The following PHKB variants were observed in gnomAD, a reference collection of about 807,000 sequenced individuals.
PHKB encodes the protein phosphorylase b kinase regulatory subunit beta.
In PHKB, 122 loss-of-function variants were observed where a neutral mutation model predicts 152.1. The observed-to-expected ratio is 0.80, with a 90% CI of 0.69 to 0.93. The LOEUF (loss-of-function observed/expected upper bound fraction) is 0.93, where lower values mean the gene tolerates loss of function less well. Among genes scored for constraint, PHKB ranks in the 40% least tolerant of loss-of-function variants. The probability of loss-of-function intolerance (pLI) is 0.00; values close to 1 mark genes in which losing one functional copy is unlikely to be tolerated. For synonymous variants in PHKB, 436 were observed against 464.9 expected (o/e 0.94, Z 0.80); for missense variants, 1,304 against 1,328.4 (o/e 0.98, Z 0.29).
intron 26 of PHKB, among the ~76,000 whole-genome samples, chr16:47,682,170 C>A (rs919349858): frequency 6.6e-6 from 1 of 152,196 alleles, no homozygotes; most frequent in Non-Finnish European, 1.5e-5. Flanking sequence ...GTTACCCGAC[C>A]TTTCTCTCTG....
chr16:47,566,421 T>A (rs1971568059), intron 7 of PHKB: 2 of 1,608,808 alleles, frequency 1.2e-6, no homozygotes, highest in African/African-American at 2.7e-5. Flanking sequence ...ACCTAGAGAC[T>A]CTTCATTGAG....
In PHKB at chr16:47,492,741, G is replaced by A. The variant is rs115526227; in HGVS notation, c.77-4658G>A. 6.9e-3 allele frequency among the ~76,000 whole-genome samples: 1,056 copies of A among 152,292 alleles called. 15 individuals are homozygous for A. The highest frequency in any genetic ancestry group is 0.024 in the African/African-American group (1,012 of 41,570). ...TCAACACCTGGGAGTGACAGGGGTTGGGGCATGGTTTCCCCTGCCCTCAGA... is the reference window on the plus strand; with the variant it reads ...TCAACACCTGGGAGTGACAGGGGTTAGGGCATGGTTTCCCCTGCCCTCAGA... On this transcript the variant is annotated intron_variant, in intron 1 of 30. Transcript: ENST00000323584.
chr16:47,665,920 C>G, intron 25 of PHKB: 1 of 1,568,200 alleles, frequency 6.4e-7, no homozygotes, highest in Non-Finnish European at 8.8e-7. Context: ...AACATCTGGC[C>G]TGCTCTCTTC....
At chr16:47,649,662 T>C (rs997193280) in intron 18 of PHKB, among the ~76,000 whole-genome samples, 7 of 152,182 alleles carry the variant, frequency 4.6e-5, no homozygotes, top group Non-Finnish European at 1.0e-4. Context: ...GAGCATGAAA[T>C]CTGGAGCCAG....
At chr16:47,588,218 T>C (rs1007424653) in intron 9 of PHKB, among the ~76,000 whole-genome samples, 3 of 151,948 alleles carry the variant, frequency 2.0e-5, no homozygotes, top group East Asian at 1.9e-4. Flanking sequence ...GGACTATTTG[T>C]GGTTCTGTTA....
chr16:47,494,682 A>G (rs1970203361), intron 1 of PHKB, among the ~76,000 whole-genome samples: 1 of 152,242 alleles, frequency 6.6e-6, no homozygotes, highest in Non-Finnish European at 1.5e-5. Flanking sequence ...AAAGCATGGA[A>G]AAGAAAAATT....
rs556650110 is a variant in PHKB at position 47,555,090 on chromosome 16, C to G, written c.710+7542C>G. Among the ~76,000 whole-genome samples the G allele has an allele frequency of 7.2e-5, 11 of 152,340 alleles. No homozygotes were observed. The East Asian group carries it at 1.9e-3, about 27-fold the overall frequency. On this transcript the variant is annotated intron_variant, in intron 7 of 30. Transcript: ENST00000323584. ...ATAACAATCATAGCACCACTTTACTCAGTTTAAGAGGCTTTCAGTGACCCT... is the reference window on the plus strand; with the variant it reads ...ATAACAATCATAGCACCACTTTACTGAGTTTAAGAGGCTTTCAGTGACCCT...
At chr16:47,502,578 T>A (rs1970341022) in intron 3 of PHKB, among the ~76,000 whole-genome samples, 1 of 152,358 alleles carries the variant, frequency 6.6e-6, no homozygotes, top group African/African-American at 2.4e-5. Context: ...CCTTAACTTG[T>A]GGCTGCTACT....
chr16:47,518,969 A>T (rs1970642404), intron 6 of PHKB, among the ~76,000 whole-genome samples: 2 of 152,178 alleles, frequency 1.3e-5, no homozygotes, highest in South Asian at 4.1e-4. Context: ...GTCCAGAGAA[A>T]CTTACTTCAT....
chr16:47,513,215 A>T (rs1211440826), intron 5 of PHKB, among the ~76,000 whole-genome samples: 1 of 152,156 alleles, frequency 6.6e-6, no homozygotes, highest in Non-Finnish European at 1.5e-5. Flanking sequence ...CCATGTACTG[A>T]CATTTTCTTA....
chr16:47,679,579 A>G (rs1597173994), intron 26 of PHKB, among the ~76,000 whole-genome samples: 2 of 152,206 alleles, frequency 1.3e-5, no homozygotes, highest in African/African-American at 4.8e-5. Flanking sequence ...TTTGTCTGTT[A>G]TTGGTGTCTA....
intron 14 of PHKB, among the ~76,000 whole-genome samples, chr16:47,612,689 A>G (rs919125332): frequency 1.3e-5 from 2 of 152,186 alleles, no homozygotes; most frequent in Non-Finnish European, 2.9e-5. Flanking sequence ...GCAGTGTTGT[A>G]TACAGTTTCC....
intron 1 of PHKB, among the ~76,000 whole-genome samples, chr16:47,487,099 T>G (rs1044426461): frequency 2.6e-5 from 4 of 152,200 alleles, no homozygotes; most frequent in Non-Finnish European, 5.9e-5. Flanking sequence ...AGATTCTATT[T>G]TCACAGATTT....
chr16:47,498,378 T>G (rs1970268367), intron 2 of PHKB, among the ~76,000 whole-genome samples: 1 of 152,196 alleles, frequency 6.6e-6, no homozygotes, highest in Non-Finnish European at 1.5e-5. Flanking sequence ...GAAATGATTA[T>G]GATAAGATCA....
chr16:47,499,184 C>T (rs1970281894), intron 2 of PHKB, among the ~76,000 whole-genome samples: 1 of 152,096 alleles, frequency 6.6e-6, no homozygotes, highest in South Asian at 2.1e-4. Context: ...CTAACCTGTA[C>T]AATAAAGTAA....
At position 47,461,342 on chromosome 16, in the gene PHKB, C is replaced by A; in HGVS notation, c.-9C>A. ...CGGGGGCGGTGGCCAAGGCGGCGAC[C>A]GGAGCGCGATGGCGGGGGCGGCGGG... On this transcript the variant is annotated 5_prime_UTR_variant, in exon 1 of 31. Transcript: ENST00000323584. 6.2e-7 allele frequency: 1 copy of A among 1,606,094 alleles called. No homozygotes were observed. The highest frequency in any genetic ancestry group is 8.5e-7 in the Non-Finnish European group (1 of 1,176,672).
At chr16:47,506,627 T>C (rs1970424487) in intron 4 of PHKB, among the ~76,000 whole-genome samples, 5 of 152,190 alleles carry the variant, frequency 3.3e-5, no homozygotes, top group Admixed American at 3.3e-4. Context: ...ATTGTGAAAA[T>C]CAAAATCATG....
chr16:47,483,069 C>T lies in PHKB; in HGVS notation c.77-14330C>T, dbSNP rs529384592. Among the ~76,000 whole-genome samples, 51 of 114,502 alleles carry T rather than the reference C, an allele frequency of 4.5e-4. 1 individual carries two copies. The South Asian group carries it at 0.016, about 35-fold the overall frequency. 75.1% of individuals were successfully genotyped at this position (114,502 alleles called of 152,430 possible). A position where few individuals can be genotyped will look rare whatever the true frequency, so the allele number is the denominator to read the frequency against. On this transcript the variant is annotated intron_variant, in intron 1 of 30. Coordinates refer to ENST00000323584, the MANE Select transcript of PHKB (RefSeq NM_000293.3). Reference sequence around the variant, plus strand: ...TTTTTTTTTTTTGGAGACAGAGTCTCATTCTGTCACCCTGGCTGGAGTGCA... The same window carrying T: ...TTTTTTTTTTTTGGAGACAGAGTCTTATTCTGTCACCCTGGCTGGAGTGCA...
chr16:47,566,103 C>G, intron 7 of PHKB: 2 of 657,122 alleles, frequency 3.0e-6, no homozygotes, highest in Non-Finnish European at 5.5e-6. Flanking sequence ...GGAATCATAG[C>G]CTCTATCATA....
Sources: allele counts gnomAD v4.1 joint callset (sites outside exome capture counted in the v4.1 genomes callset), GRCh38; gene constraint gnomAD v4.1.1; transcripts MANE v1.5; gene names NCBI Gene and HGNC (gene_info 2026-07-23, HGNC 2026-07-21).